The following GRIN3A variants were observed in gnomAD, a reference collection of about 807,000 sequenced individuals.
GRIN3A encodes glutamate ionotropic receptor NMDA type subunit 3A.
A neutral mutation model predicts 92.4 loss-of-function variants in GRIN3A; 47 were observed. The observed-to-expected ratio is 0.51, with a 90% CI of 0.40 to 0.65. GRIN3A has a LOEUF of 0.65. Ranked by LOEUF, GRIN3A falls within the 30% of genes least tolerant of loss-of-function variation. GRIN3A has a pLI of 0.00. For synonymous variants in GRIN3A, 527 were observed against 540.6 expected, an observed-to-expected ratio of 0.97 and a Z score of 0.35; for missense variants, 1,324 against 1,393.1, an observed-to-expected ratio of 0.95 and a Z score of 0.79.
intron 1 of GRIN3A, among the ~76,000 whole-genome samples, chr9:101,716,041 T>C (rs1417574583): frequency 2.0e-5 from 3 of 152,178 alleles, no homozygotes; most frequent in Non-Finnish European, 4.4e-5. Flanking sequence ...TTTTTCCAAA[T>C]CATCCAGAAG....
chr9:101,622,374 C>G (rs1189231335), intron 5 of GRIN3A, among the ~76,000 whole-genome samples: 5 of 152,184 alleles, frequency 3.3e-5, no homozygotes, highest in South Asian at 2.1e-4. Flanking sequence ...ATGGCTGTCT[C>G]GAGAGCCAGC....
chr9:101,571,050 A>C lies in GRIN3A; in HGVS notation c.*2124T>G, dbSNP rs1013335402. The C allele has an allele frequency of 1.3e-5, 2 of 152,248 alleles. No individual in the cohort carries two copies. Among genetic ancestry groups the C allele is most frequent in the African/African-American group, 4.8e-5 (2 of 41,442 alleles). 9.4% of individuals were successfully genotyped at this position (152,248 alleles called of 1,614,324 possible). A position where few individuals can be genotyped will look rare whatever the true frequency, so the allele number is the denominator to read the frequency against. ...AGTCTCCAGCATTCTTAGCTGGTAC[A>C]AGTGGGTGGGGATGGCTAAGGGGCA... On this transcript the variant is annotated 3_prime_UTR_variant, in exon 9 of 9. Coordinates refer to ENST00000361820, the MANE Select transcript of GRIN3A (RefSeq NM_133445.3).
intron 6 of GRIN3A, among the ~76,000 whole-genome samples, chr9:101,605,793 C>T (rs1286346925): frequency 6.6e-6 from 1 of 152,196 alleles, no homozygotes; most frequent in Admixed American, 6.5e-5. Flanking sequence ...TTCCCTATCC[C>T]ATGCAATCAA....
intron 6 of GRIN3A, among the ~76,000 whole-genome samples, chr9:101,580,566 A>G (rs1272123509): frequency 1.3e-5 from 2 of 152,206 alleles, no homozygotes; most frequent in African/African-American, 4.8e-5. Context: ...TGGATCTGGT[A>G]GGGAACATGG....
chr9:101,622,386 T>TG (rs1433414215), intron 5 of GRIN3A, among the ~76,000 whole-genome samples: 3 of 152,236 alleles, frequency 2.0e-5, no homozygotes, highest in African/African-American at 7.2e-5. Context: ...AGAGCCAGCA[T>TG]GCACTATCAG....
At chr9:101,624,550 G>GA (rs1348086415) in intron 4 of GRIN3A, among the ~76,000 whole-genome samples, 1 of 152,108 alleles carries the variant, frequency 6.6e-6, no homozygotes, top group Non-Finnish European at 1.5e-5. Flanking sequence ...CAGAGGACAT[G>GA]AACTCATCAT....
At chr9:101,686,570 G>A in intron 2 of GRIN3A, 26 bp downstream of exon 2, 1 of 1,613,716 alleles carries the variant, frequency 6.2e-7, no homozygotes, top group Non-Finnish European at 8.5e-7. Context: ...TATGAATGGG[G>A]ATATAACCGA....
At chr9:101,716,883 A>C (rs527867321) in intron 1 of GRIN3A, among the ~76,000 whole-genome samples, 1 of 152,282 alleles carries the variant, frequency 6.6e-6, no homozygotes, top group South Asian at 2.1e-4. Flanking sequence ...TTCCCTTGAA[A>C]AGTCAGAATA....
At chr9:101,664,537 C>A (rs917029410) in intron 3 of GRIN3A, among the ~76,000 whole-genome samples, 1 of 151,824 alleles carries the variant, frequency 6.6e-6, no homozygotes, top group Non-Finnish European at 1.5e-5. Flanking sequence ...ACCTCATTTG[C>A]ACAGCAGGCC....
chr9:101,569,439 T>G lies in GRIN3A; in HGVS notation c.*3735A>C, dbSNP rs1257600135. 6.6e-6 allele frequency: 1 copy of G among 152,188 alleles called. No individual in the cohort carries two copies. 9.4% of individuals were successfully genotyped at this position (152,188 alleles called of 1,614,324 possible). A position where few individuals can be genotyped will look rare whatever the true frequency, so the allele number is the denominator to read the frequency against. ...GACATCTAATCCATCCATGTGGTTG[T>G]ACAAGAAAAGTGGCTGGAGCAAAAC... On this transcript the variant is annotated 3_prime_UTR_variant, in exon 9 of 9. Transcript: ENST00000361820.
chr9:101,615,386 CTTTTTTTTTT>C (rs547717146), intron 5 of GRIN3A, among the ~76,000 whole-genome samples: 12 of 124,292 alleles, frequency 9.7e-5, no homozygotes, highest in African/African-American at 1.5e-4. Context: ...ATTTTTGTTC[CTTTTTTTTTT>C]TTTTTTTTTT....
intron 6 of GRIN3A, among the ~76,000 whole-genome samples, chr9:101,583,648 C>G (rs1021716671): frequency 5.3e-5 from 8 of 152,196 alleles, no homozygotes; most frequent in Admixed American, 5.2e-4. Flanking sequence ...AGTGGTAGCA[C>G]ATTCAGAAAT....
At chr9:101,675,740 A>C (rs1829387383) in intron 2 of GRIN3A, among the ~76,000 whole-genome samples, 1 of 151,776 alleles carries the variant, frequency 6.6e-6, no homozygotes, top group South Asian at 2.1e-4. Flanking sequence ...TCTGCTGCTT[A>C]AGTTTATAGC....
At chr9:101,585,570 T>C (rs1221168525) in intron 6 of GRIN3A, among the ~76,000 whole-genome samples, 2 of 152,212 alleles carry the variant, frequency 1.3e-5, no homozygotes, top group African/African-American at 4.8e-5. Flanking sequence ...ATCCTTGCCA[T>C]GACACAGGGA....
intron 2 of GRIN3A, among the ~76,000 whole-genome samples, chr9:101,672,884 G>A (rs1248252420): frequency 6.6e-6 from 1 of 152,094 alleles, no homozygotes; most frequent in Non-Finnish European, 1.5e-5. Flanking sequence ...TGCTTCTTTA[G>A]AGAAGGAGCC....
intron 3 of GRIN3A, among the ~76,000 whole-genome samples, chr9:101,662,877 G>T (rs183052827): frequency 6.6e-6 from 1 of 151,818 alleles, no homozygotes; most frequent in East Asian, 1.9e-4. Context: ...CACTGAATAG[G>T]ATATTTCTCC....
chr9:101,736,541 C>T (rs976734440), intron 1 of GRIN3A, among the ~76,000 whole-genome samples: 4 of 151,490 alleles, frequency 2.6e-5, no homozygotes, highest in South Asian at 4.2e-4. Flanking sequence ...ATGGGCTGAA[C>T]ACAGCAACTG....
chr9:101,722,456 C>T (rs531985186), intron 1 of GRIN3A, among the ~76,000 whole-genome samples: 1 of 152,288 alleles, frequency 6.6e-6, no homozygotes, highest in South Asian at 2.1e-4. Context: ...AGAGGGCCAC[C>T]GTCCTCCAGA....
rs1237835241 is a variant in GRIN3A, at chr9:101,670,385, G to T, written c.2027C>A (p.Thr676Lys). Residue 676 changes from threonine to lysine, a missense_variant, in exon 3 of 9, where the codon ACA (threonine) becomes AAA (lysine). Thr to Lys is a moderately conservative substitution (Grantham distance 78). Coordinates refer to ENST00000361820, the MANE Select transcript of GRIN3A (RefSeq NM_133445.3). ...IGAFMWPLHWTMWLGIFVALH... is the reference protein window; with the variant it reads ...IGAFMWPLHWKMWLGIFVALH... ...AGCCACAAAAATCCCCAGCCACATTGTCCAGTGGAGTGGCCACATGAAGGC... is the reference window on the plus strand; with the variant it reads ...AGCCACAAAAATCCCCAGCCACATTTTCCAGTGGAGTGGCCACATGAAGGC... The T allele has an allele frequency of 1.2e-6, 2 of 1,613,902 alleles. No individual in the cohort carries two copies. Among genetic ancestry groups the T allele is most frequent in the Non-Finnish European group, 1.7e-6 (2 of 1,179,956 alleles).
Sources: allele counts gnomAD v4.1 joint callset (sites outside exome capture counted in the v4.1 genomes callset), GRCh38; gene constraint gnomAD v4.1.1; transcripts MANE v1.5; gene names NCBI Gene and HGNC (gene_info 2026-07-23, HGNC 2026-07-21).